Variants in HFE observed in about 807,000 individuals in gnomAD.
HFE encodes the protein homeostatic iron regulator.
In HFE, 36 loss-of-function variants were observed where a neutral mutation model predicts 40.9. The observed-to-expected ratio is 0.88, with a 90% confidence interval of 0.67 to 1.16. The LOEUF is 1.16. Among genes scored for constraint, HFE ranks in the 50% most tolerant of loss-of-function variants. The pLI is 0.00. For synonymous variants in HFE, 157 were observed against 165.4 expected, an observed-to-expected ratio of 0.95 and a Z score of 0.39; for missense variants, 376 against 432.0, an observed-to-expected ratio of 0.87 and a Z score of 1.15.
intron 1 of HFE, 137 bp downstream of exon 1, chr6:26,087,653 T>G (rs1762375948): frequency 1.4e-6 from 1 of 724,404 alleles, no homozygotes; most frequent in South Asian, 1.8e-5. Context: ...CTCCCTACTT[T>G]CTGCGTCCAG....
At chr6:26,093,083 GCAAT>G in intron 4 of HFE, 32 bp from the exon 5 acceptor site, 1 of 1,612,882 alleles carries the variant, frequency 6.2e-7, no homozygotes, top group South Asian at 1.1e-5. Context: ...GCTGAGGGTG[GCAAT>G]CAAAGGCTTT....
intron 5 of HFE, among the ~76,000 whole-genome samples, 166 bp from the exon 6 acceptor site, chr6:26,094,020 G>C (rs1196588935): frequency 6.6e-6 from 1 of 152,208 alleles, no homozygotes; most frequent in Non-Finnish European, 1.5e-5. Context: ...GAGGAGACCA[G>C]TTAGAAAGCC....
chr6:26,092,072 G>A (rs142114112), intron 3 of HFE, among the ~76,000 whole-genome samples: 1 of 151,368 alleles, frequency 6.6e-6, no homozygotes, highest in Non-Finnish European at 1.5e-5. Flanking sequence ...TAATTGGAAG[G>A]CTGAGGCAGG....
intron 3 of HFE, 74 bp from the exon 4 acceptor site, chr6:26,092,611 G>T: frequency 6.2e-7 from 1 of 1,613,600 alleles, no homozygotes; most frequent in Non-Finnish European, 8.5e-7. Flanking sequence ...ACCTATAGAA[G>T]GAAGTGAAAG....
Position 26,096,289 on chromosome 6 carries a change from A to G in HFE, c.*2063A>G. 1 of 346,922 alleles carries G rather than the reference A, an allele frequency of 2.9e-6. No homozygotes were observed. Among genetic ancestry groups the G allele is most frequent in the Admixed American group, 4.0e-5 (1 of 25,056 alleles). The allele number at this position is 346,922 out of a possible 1,614,324, so 21.5% of individuals were successfully genotyped here. On this transcript the variant is annotated 3_prime_UTR_variant, in exon 6 of 6. Transcript: ENST00000357618. ...GCTGGGATTACAGGCGTGCACCACC[A>G]TGCCCGGCTAATTTTTGTATTTTTA... is the stretch of plus-strand genomic sequence containing the variant.
intron 1 of HFE, among the ~76,000 whole-genome samples, chr6:26,088,568 T>C (rs766060813): frequency 2.0e-5 from 3 of 152,164 alleles, no homozygotes; most frequent in Non-Finnish European, 4.4e-5. Flanking sequence ...GCACAGCACT[T>C]TGAGTTTTGG....
rs1762906626 is a variant in HFE, at chr6:26,094,070, CCAA to C, written c.1007-115_1007-113del. 6.1e-6 allele frequency: 6 copies of C among 990,252 alleles called. No homozygotes were observed. In the Admixed American group the frequency reaches 8.6e-5, roughly 14 times the overall value. The allele number at this position is 990,252 out of a possible 1,614,324, so 61.3% of individuals were successfully genotyped here. A position where few individuals can be genotyped will look rare whatever the true frequency, so the allele number is the denominator to read the frequency against. ...GATGAGAGATAATGGTTCTTGAAAT[CCAA>C]TAGTGCCCAGGTCTAAATTGAGATG... On this transcript the variant is annotated intron_variant, in intron 5 of 5. Coordinates refer to ENST00000357618, the MANE Select transcript of HFE (RefSeq NM_000410.4).
chr6:26,092,953 G>T lies in HFE; in HGVS notation c.885G>T (p.Val295=). The T allele has an allele frequency of 6.2e-7, 1 of 1,614,098 alleles. No homozygotes were observed. The highest frequency in any genetic ancestry group is 1.7e-5 in the Admixed American group (1 of 60,022). The change falls in exon 4 of 6, where the codon GTG becomes GTT. Residue 295 remains valine (V), a synonymous_variant. Coordinates refer to ENST00000357618, the MANE Select transcript of HFE (RefSeq NM_000410.4). The stretch of plus-strand genomic sequence containing the variant: ...CAGGCCTGGATCAGCCCCTCATTGT[G>T]ATCTGGGGTATGTGACTGATGAGAG... ...EHPGLDQPLI[V]IWEPSPSGTL... is the part of the protein sequence containing the mutation.
Position 26,091,501 on chromosome 6 carries a change from C to G in HFE, c.528C>G (p.Ala176=), listed in dbSNP as rs779438836. 6.8e-6 allele frequency: 11 copies of G among 1,614,008 alleles called. No homozygotes were observed. In the Admixed American group the frequency reaches 1.5e-4, roughly 22 times the overall value. Residue 176 remains alanine, a synonymous_variant, in exon 3 of 6, where the codon GCC becomes GCG. Coordinates refer to ENST00000357618, the MANE Select transcript of HFE (RefSeq NM_000410.4). ...KLEWERHKIR[A]RQNRAYLERD... is the part of the protein sequence containing the mutation. Reference sequence around the variant, plus strand: ...AGTGGGAAAGGCACAAGATTCGGGCCAGGCAGAACAGGGCCTACCTGGAGA... The same window carrying G: ...AGTGGGAAAGGCACAAGATTCGGGCGAGGCAGAACAGGGCCTACCTGGAGA...
intron 4 of HFE, 77 bp downstream of exon 4, chr6:26,093,037 C>T: frequency 1.2e-6 from 2 of 1,613,878 alleles, no homozygotes; most frequent in East Asian, 2.2e-5. Flanking sequence ...GTAATTATGG[C>T]AGTGAGATGA....
At chr6:26,087,551 G>T (rs62625319) in intron 1 of HFE, 35 bp downstream of exon 1, 3 of 1,581,350 alleles carry the variant, frequency 1.9e-6, no homozygotes, top group East Asian at 2.2e-5. Flanking sequence ...CTAGGGGCGC[G>T]GCGGGGGTGG....
chr6:26,094,204 A>T lies in HFE; in HGVS notation c.1025A>T (p.Tyr342Phe). 1 of 1,613,990 alleles carries T rather than the reference A, an allele frequency of 6.2e-7. No homozygotes were observed. The highest frequency in any genetic ancestry group is 1.1e-5 in the South Asian group (1 of 91,084). The change falls in exon 6 of 6, where the codon TAC (tyrosine) becomes TTC (phenylalanine). Residue 342 changes from tyrosine to phenylalanine, a missense_variant. Tyr to Phe is a conservative substitution (Grantham distance 22). Coordinates refer to ENST00000357618, the MANE Select transcript of HFE (RefSeq NM_000410.4). Reference protein sequence around the residue: ...RQGSRGAMGHYVLAERE With the variant: ...RQGSRGAMGHFVLAERE ...TCCACAGGAGGAGCCATGGGGCACT[A>T]CGTCTTAGCTGAACGTGAGTGACAC...
chr6:26,093,432 C>T (rs1359802222), intron 5 of HFE, among the ~76,000 whole-genome samples, 200 bp downstream of exon 5: 5 of 152,102 alleles, frequency 3.3e-5, no homozygotes, highest in African/African-American at 1.2e-4. Flanking sequence ...CTTCAGAGCA[C>T]CTACTATTTT....
chr6:26,090,735 G>A (rs1581665918), intron 1 of HFE, 106 bp from the exon 2 acceptor site: 2 of 1,195,096 alleles, frequency 1.7e-6, no homozygotes, highest in East Asian at 2.3e-5. Context: ...TTCACAAAAT[G>A]AGGACCAGAC....
Position 26,087,499 on chromosome 6 carries a change from T to A in HFE, c.59T>A (p.Leu20Gln). The A allele has an allele frequency of 6.2e-7, 1 of 1,613,508 alleles. No homozygotes were observed. Among genetic ancestry groups the A allele is most frequent in the Non-Finnish European group, 8.5e-7 (1 of 1,179,550 alleles). ...LLLMLLQTAV[L>Q]QGRLLRSHSL... ...CTGATGCTTTTGCAGACCGCGGTCC[T>A]GCAGGGGCGCTTGCTGCGTGAGTCC... is the stretch of plus-strand genomic sequence containing the variant. Residue 20 changes from leucine (L) to glutamine (Q), a missense_variant, in exon 1 of 6, where the codon CTG becomes CAG. This residue lies in a region of HFE where 200 missense variants were observed against 228.5 expected (regional missense o/e 0.88). Transcript: ENST00000357618.
chr6:26,094,227 C>T lies in HFE; in HGVS notation c.*1C>T. On this transcript the variant is annotated 3_prime_UTR_variant, in exon 6 of 6. Coordinates refer to ENST00000357618, the MANE Select transcript of HFE (RefSeq NM_000410.4). ...CTACGTCTTAGCTGAACGTGAGTGACACGCAGCCTGCAGACTCACTGTGGG... is the reference window on the plus strand; with the variant it reads ...CTACGTCTTAGCTGAACGTGAGTGATACGCAGCCTGCAGACTCACTGTGGG... The T allele has an allele frequency of 6.2e-7, 1 of 1,613,942 alleles. No homozygotes were observed. The highest frequency in any genetic ancestry group is 1.1e-5 in the South Asian group (1 of 91,086).
At position 26,091,056 on chromosome 6, in the gene HFE, T is replaced by C; in HGVS notation, c.292T>C (p.Phe98Leu). The C allele has an allele frequency of 6.2e-7, 1 of 1,614,174 alleles. No individual in the cohort carries two copies. The highest frequency in any genetic ancestry group is 1.3e-5 in the African/African-American group (1 of 75,042). ...SQSLKGWDHM[F>L]TVDFWTIMEN... Reference sequence around the variant, plus strand: ...GAGTCTGAAAGGGTGGGATCACATGTTCACTGTTGACTTCTGGACTATTAT... The same window carrying C: ...GAGTCTGAAAGGGTGGGATCACATGCTCACTGTTGACTTCTGGACTATTAT... The change falls in exon 2 of 6, where the codon TTC becomes CTC. Residue 98 changes from phenylalanine (F) to leucine (L), a missense_variant. By Grantham distance (22) the Phe-to-Leu change is conservative. This residue lies in a region of HFE where 200 missense variants were observed against 228.5 expected (regional missense o/e 0.88). Transcript: ENST00000357618.
Position 26,092,882 on chromosome 6 carries a change from G to C in HFE, c.814G>C (p.Val272Leu). The change falls in exon 4 of 6, where the codon GTA becomes CTA. Residue 272 changes from valine (V) to leucine (L), a missense_variant. Physicochemically the swap from Val to Leu is conservative, Grantham distance 32. Transcript: ENST00000357618. ...GTYQGWITLA[V>L]PPGEEQRYTC... ...CTACCAGGGCTGGATAACCTTGGCT[G>C]TACCCCCTGGGGAAGAGCAGAGATA... 6.2e-7 allele frequency: 1 copy of C among 1,614,220 alleles called. No individual in the cohort carries two copies. The highest frequency in any genetic ancestry group is 1.3e-5 in the African/African-American group (1 of 75,054).
intron 1 of HFE, among the ~76,000 whole-genome samples, chr6:26,089,095 ATG>A (rs1299440344): frequency 0.094 from 7,233 of 76,668 alleles, 358 homozygotes; most frequent in Middle Eastern, 0.17. Context: ...AGCACTACTC[ATG>A]TGTGTGTGTG....
Sources: gnomAD v4.1 joint callset for allele counts (sites outside exome capture counted in the v4.1 genomes callset) on GRCh38, gnomAD v4.1.1 for gene constraint, gnomAD v4.1.1 regional missense constraint, MANE v1.5 for transcripts, NCBI Gene and HGNC (gene_info 2026-07-23, HGNC 2026-07-21) for gene names.